The following CFAP161 variants were observed in gnomAD, a reference collection of about 807,000 sequenced individuals.
CFAP161 encodes cilia- and flagella-associated protein 161.
A neutral mutation model predicts 29.0 loss-of-function variants in CFAP161; 25 were observed. The ratio of observed to expected loss-of-function variants is 0.86; its 90% CI spans 0.63 to 1.20. CFAP161 has a LOEUF of 1.20. CFAP161 is among the 50% of genes most tolerant of loss of function. CFAP161 has a pLI of 0.00. For missense variants in CFAP161, 367 were observed against 371.9 expected (o/e 0.99, Z 0.11); for synonymous variants, 116 against 137.4 (o/e 0.84, Z 1.09).
At chr15:81,106,561 C>T (rs983800862) in intron 1 of CFAP161, among the ~76,000 whole-genome samples, 3 of 152,224 alleles carry the variant, frequency 2.0e-5, no homozygotes, top group Non-Finnish European at 2.9e-5. Flanking sequence ...ATCAGAGACC[C>T]ACTTGTAAAC....
chr15:81,125,289 C>G (rs1894626804), intron 1 of CFAP161, among the ~76,000 whole-genome samples: 1 of 152,036 alleles, frequency 6.6e-6, no homozygotes, highest in Non-Finnish European at 1.5e-5. Context: ...TATTTAAATG[C>G]AAACCTTAAA....
chr15:81,115,442 T>C (rs1007902857), intron 1 of CFAP161, among the ~76,000 whole-genome samples: 11 of 152,148 alleles, frequency 7.2e-5, no homozygotes, highest in Non-Finnish European at 1.3e-4. Flanking sequence ...CCCTTTTAGC[T>C]ACATTTGCGT....
intron 1 of CFAP161, among the ~76,000 whole-genome samples, chr15:81,122,897 T>G (rs563157984): frequency 7.2e-5 from 11 of 152,314 alleles, no homozygotes; most frequent in African/African-American, 2.2e-4. Context: ...TTGTTTTTTC[T>G]TGTAAGTTCT....
At chr15:81,133,229 T>TATATATATA (rs1567156514), upstream of CFAP161, among the ~76,000 whole-genome samples, 5 of 90,510 alleles carry the variant, frequency 5.5e-5, no homozygotes, top group Admixed American at 1.2e-4. Context: ...ATATATGTAT[T>TATATATATA]TTTTTTTAAA....
intron 1 of CFAP161, 97 bp downstream of exon 1, chr15:81,134,495 T>C: frequency 8.1e-7 from 1 of 1,232,226 alleles, no homozygotes; most frequent in Non-Finnish European, 1.2e-6. Context: ...AAGCCTCCTC[T>C]CTCTCCCAGC....
intron 4 of CFAP161, among the ~76,000 whole-genome samples, chr15:81,139,962 A>G (rs1213162205): frequency 6.6e-6 from 1 of 152,212 alleles, no homozygotes; most frequent in African/African-American, 2.4e-5. Context: ...AAAAGAAAAA[A>G]TGATATGTAA....
intron 1 of CFAP161, among the ~76,000 whole-genome samples, chr15:81,122,510 A>G (rs894015380): frequency 8.5e-6 from 1 of 117,044 alleles, no homozygotes; most frequent in African/African-American, 3.2e-5. Context: ...TTTTTTTTTT[A>G]GATGGAATTT....
intron 1 of CFAP161, chr15:81,118,364 C>G (rs1274285994): frequency 2.1e-5 from 6 of 285,952 alleles, no homozygotes; most frequent in African/African-American, 4.6e-5. Context: ...TCTTACATCT[C>G]AGCTGAAAAA....
intron 1 of CFAP161, among the ~76,000 whole-genome samples, chr15:81,115,853 T>A (rs1020443705): frequency 4.6e-5 from 7 of 151,266 alleles, no homozygotes; most frequent in South Asian, 4.2e-4. Flanking sequence ...TAATTAATTT[T>A]TTTTTTTTTT....
At chr15:81,137,049 G>C (rs138615980) in intron 3 of CFAP161, among the ~76,000 whole-genome samples, 1 of 151,474 alleles carries the variant, frequency 6.6e-6, no homozygotes, top group African/African-American at 2.4e-5. Context: ...TAACATTTTG[G>C]AACTTTTTGA....
intron 1 of CFAP161, among the ~76,000 whole-genome samples, chr15:81,122,977 C>T (rs930325635): frequency 6.6e-6 from 1 of 152,144 alleles, no homozygotes; most frequent in African/African-American, 2.4e-5. Flanking sequence ...ATTTTTTCCC[C>T]ATTCCATAGG....
chr15:81,144,908 C>G (rs112751721), intron 5 of CFAP161, among the ~76,000 whole-genome samples: 1 of 152,198 alleles, frequency 6.6e-6, no homozygotes, highest in East Asian at 1.9e-4. Flanking sequence ...TATCACTGTG[C>G]GACACTTTCT....
chr15:81,140,982 A>G (rs1894898553), intron 4 of CFAP161, among the ~76,000 whole-genome samples: 1 of 152,228 alleles, frequency 6.6e-6, no homozygotes, highest in South Asian at 2.1e-4. Context: ...TCATAGGGCT[A>G]GTTGCCTCTC....
chr15:81,148,963 A>G lies in CFAP161; in HGVS notation c.*430A>G, dbSNP rs927930047. ...ACTGACAGCTCTGAGCTGTGGCCTT[A>G]CCTTGGAATTAAACATTTCCACCTT... On this transcript the variant is annotated 3_prime_UTR_variant, in exon 7 of 7. Coordinates refer to ENST00000286732, the MANE Select transcript of CFAP161 (RefSeq NM_173528.4). 7 of 153,018 alleles carry G rather than the reference A, an allele frequency of 4.6e-5. No homozygotes were observed. The highest frequency in any genetic ancestry group is 1.7e-4 in the African/African-American group (7 of 41,472). 9.5% of individuals were successfully genotyped at this position (153,018 alleles called of 1,614,324 possible).
rs551605776 is a variant in CFAP161 at position 81,127,027 on chromosome 15, A to T, written c.-141-563A>T. On this transcript the variant is annotated intron_variant, in intron 1 of 4. Coordinates refer to the CFAP161 transcript ENST00000560091. ...CGAACTCTGAATTTTCCTTGATAGAATTTGCCTATCAGTTTGAAAATGTAC... is the reference window on the plus strand; with the variant it reads ...CGAACTCTGAATTTTCCTTGATAGATTTTGCCTATCAGTTTGAAAATGTAC... Among the ~76,000 whole-genome samples the T allele has an allele frequency of 2.6e-5, 4 of 152,342 alleles. No individual in the cohort carries two copies. The South Asian group carries it at 8.3e-4, about 32-fold the overall frequency.
At chr15:81,143,468 G>T (rs1451326811) in intron 4 of CFAP161, among the ~76,000 whole-genome samples, 194 bp from the exon 5 acceptor site, 1 of 152,204 alleles carries the variant, frequency 6.6e-6, no homozygotes, top group African/African-American at 2.4e-5. Context: ...AGGTGTGTGT[G>T]TGTGTCTTGG....
At chr15:81,136,385 T>C (rs1894808849) in intron 2 of CFAP161, 131 bp from the exon 3 acceptor site, 1 of 764,080 alleles carries the variant, frequency 1.3e-6, no homozygotes, top group African/African-American at 1.7e-5. Flanking sequence ...AAGAAGGAAC[T>C]AAGGGTTCGA....
intron 1 of CFAP161, among the ~76,000 whole-genome samples, chr15:81,110,828 T>C (rs944421459): frequency 6.6e-6 from 1 of 152,206 alleles, no homozygotes; most frequent in African/African-American, 2.4e-5. Context: ...TGGGGACGAA[T>C]GCTGGGCTCT....
intron 4 of CFAP161, among the ~76,000 whole-genome samples, chr15:81,139,384 G>A (rs1350689333): frequency 6.6e-6 from 1 of 152,156 alleles, no homozygotes; most frequent in East Asian, 1.9e-4. Context: ...GTAAGTTGCA[G>A]CCTGATAAAT....
Sources: gnomAD v4.1 joint callset for allele counts (sites outside exome capture counted in the v4.1 genomes callset) on GRCh38, gnomAD v4.1.1 for gene constraint, MANE v1.5 for transcripts, NCBI Gene and HGNC (gene_info 2026-07-23, HGNC 2026-07-21) for gene names.